Variants in ZFHX3 observed in about 807,000 individuals in gnomAD.
ZFHX3 encodes the protein zinc finger homeobox 3.
In ZFHX3, 42 loss-of-function variants were observed where a neutral mutation model predicts 279.1. The observed-to-expected ratio is 0.15, with a 90% CI of 0.12 to 0.19. ZFHX3 has a LOEUF of 0.19. Ranked by LOEUF, ZFHX3 falls within the 10% of genes least tolerant of loss-of-function variation. The pLI is 1.00. For missense variants in ZFHX3, 4,981 were observed against 4,754.0 expected (o/e 1.05, Z -1.40); for synonymous variants, 2,293 against 1,957.8 (o/e 1.17, Z -4.52).
At chr16:72,897,915 C>T (rs1333498951) in intron 3 of ZFHX3, among the ~76,000 whole-genome samples, 1 of 152,142 alleles carries the variant, frequency 6.6e-6, no homozygotes, top group Non-Finnish European at 1.5e-5. Flanking sequence ...AGTCCACAGC[C>T]GCCAAGCTAC....
At chr16:73,811,799 T>C (rs1017385332) in intron 1 of ZFHX3, among the ~76,000 whole-genome samples, 2 of 152,142 alleles carry the variant, frequency 1.3e-5, no homozygotes, top group Non-Finnish European at 2.9e-5. Flanking sequence ...CTTTGTTCTC[T>C]CTGTTGTGAT....
intron 2 of ZFHX3, among the ~76,000 whole-genome samples, chr16:72,952,553 C>A (rs1169161186): frequency 2.0e-5 from 3 of 152,170 alleles, no homozygotes; most frequent in African/African-American, 7.2e-5. Context: ...TGCACAGACG[C>A]CCAAATGTTT....
At chr16:73,262,663 A>G (rs2070997929) in intron 4 of ZFHX3, among the ~76,000 whole-genome samples, 1 of 152,218 alleles carries the variant, frequency 6.6e-6, no homozygotes, top group South Asian at 2.1e-4. Flanking sequence ...TAGATTGCAG[A>G]CAGGCACAAA....
rs73603585 is a variant in ZFHX3 at position 73,876,341 on chromosome 16, A to T, written c.-1608+15310T>A. Among the ~76,000 whole-genome samples the T allele has an allele frequency of 5.9e-3, 891 of 152,296 alleles. 14 individuals are homozygous for T. The highest frequency in any genetic ancestry group is 0.02 in the African/African-American group (848 of 41,558). The stretch of plus-strand genomic sequence containing the variant: ...CGTAAGTTTTACCACACCCATGTAC[A>T]CCTAGGCAGCTAAAGAGTATGTTAA... On this transcript the variant is annotated intron_variant, in intron 1 of 17. Coordinates refer to the ZFHX3 transcript ENST00000641206.
At chr16:72,893,418 G>C (rs1337990005) in intron 3 of ZFHX3, among the ~76,000 whole-genome samples, 1 of 152,178 alleles carries the variant, frequency 6.6e-6, no homozygotes, top group Non-Finnish European at 1.5e-5. Context: ...CCACAAGAGA[G>C]GAATAACATG....
rs77738327 is a variant in ZFHX3 at position 73,303,429 on chromosome 16, A to G, written c.-1194+14811T>C. 2.6e-3 allele frequency among the ~76,000 whole-genome samples: 395 copies of G among 152,300 alleles called. 2 individuals carry two copies. Among genetic ancestry groups the G allele is most frequent in the African/African-American group, 8.8e-3 (367 of 41,570 alleles). On this transcript the variant is annotated intron_variant, in intron 4 of 17. Coordinates refer to the ZFHX3 transcript ENST00000641206. ...AATTCTCATGCTCCTACTTCCTATG[A>G]TTCACATTCCGGAGGCTGATCTTAC...
intron 2 of ZFHX3, among the ~76,000 whole-genome samples, chr16:73,522,981 A>C (rs2019631284): frequency 6.6e-6 from 1 of 152,178 alleles, no homozygotes; most frequent in South Asian, 2.1e-4. Context: ...GCATGCAGGT[A>C]ACTGCGCCCA....
intron 3 of ZFHX3, among the ~76,000 whole-genome samples, chr16:72,914,998 A>G (rs115570968): frequency 0.022 from 3,296 of 152,284 alleles, 133 homozygotes; most frequent in African/African-American, 0.075. Flanking sequence ...CTAAAAGCAA[A>G]CAAACAAACA....
chr16:73,163,713 T>C (rs1333995902), intron 5 of ZFHX3, among the ~76,000 whole-genome samples: 1 of 152,104 alleles, frequency 6.6e-6, no homozygotes, highest in Non-Finnish European at 1.5e-5. Flanking sequence ...GGGGTAGCTT[T>C]TTAGAGGAAG....
intron 1 of ZFHX3, among the ~76,000 whole-genome samples, chr16:73,781,763 C>T (rs1039138009): frequency 2.0e-5 from 3 of 151,970 alleles, no homozygotes; most frequent in East Asian, 1.9e-4. Context: ...CCAAGGTGGG[C>T]GAATCACGAG....
chr16:72,880,447 C>T lies in ZFHX3; in HGVS notation c.3448+9284G>A, dbSNP rs74860250. Among the ~76,000 whole-genome samples the T allele has an allele frequency of 2.1e-3, 322 of 152,220 alleles. 2 individuals carry two copies. Among genetic ancestry groups the T allele is most frequent in the Middle Eastern group, 6.8e-3 (2 of 294 alleles). Reference sequence around the variant, plus strand: ...GGTATGTCCTAATCATACAGAGACACACCAGGGGGACTCACAGAGACCAGG... The same window carrying T: ...GGTATGTCCTAATCATACAGAGACATACCAGGGGGACTCACAGAGACCAGG... On this transcript the variant is annotated intron_variant, in intron 4 of 9. Transcript: ENST00000268489.
rs776445245 is a variant in ZFHX3 at position 72,794,179 on chromosome 16, A to G, written c.8503T>C (p.Cys2835Arg). ...FDQTKLDNDDCSSVNTAITDT... is the reference protein window; with the variant it reads ...FDQTKLDNDDRSSVNTAITDT... ...GTGATTGCTGTGTTGACAGAGGAAC[A>G]GTCATCGTTGTCCAGCTTAGTTTGG... is the stretch of plus-strand genomic sequence containing the variant. The change falls in exon 9 of 10, where the codon TGT (cysteine) becomes CGT (arginine). Residue 2835 changes from cysteine to arginine, a missense_variant. Around this residue, in one of 7 missense-constraint regions of ZFHX3, gnomAD observed 744 missense variants for 701.3 expected, o/e 1.06. Coordinates refer to ENST00000268489, the MANE Select transcript of ZFHX3 (RefSeq NM_006885.4). The surrounding 1 kb of genome is among the most constrained non-coding windows in gnomAD (Gnocchi z 4.2). 1 of 1,614,222 alleles carries G rather than the reference A, an allele frequency of 6.2e-7. No individual in the cohort carries two copies. Among genetic ancestry groups the G allele is most frequent in the South Asian group, 1.1e-5 (1 of 91,084 alleles).
chr16:73,130,910 G>C (rs866165832), intron 7 of ZFHX3: 2 of 1,275,368 alleles, frequency 1.6e-6, no homozygotes, highest in Non-Finnish European at 2.1e-6. Flanking sequence ...GCTGGGCCCA[G>C]ACAGTCTTAT....
At chr16:73,739,626 G>A (rs1314422664) in intron 1 of ZFHX3, among the ~76,000 whole-genome samples, 1 of 152,172 alleles carries the variant, frequency 6.6e-6, no homozygotes, top group Non-Finnish European at 1.5e-5. Context: ...ACTGTGATCA[G>A]TGGGGTGCAG....
chr16:73,639,546 C>T (rs1238291204), intron 2 of ZFHX3, among the ~76,000 whole-genome samples: 1 of 152,120 alleles, frequency 6.6e-6, no homozygotes, highest in Non-Finnish European at 1.5e-5. Flanking sequence ...TGCCACCTTA[C>T]TGAGTTGCAC....
intron 3 of ZFHX3, among the ~76,000 whole-genome samples, chr16:73,455,751 A>T (rs1336008258): frequency 6.6e-6 from 1 of 150,798 alleles, no homozygotes; most frequent in Non-Finnish European, 1.5e-5. Flanking sequence ...TTTTAACTTC[A>T]AAGCTTTGTT....
At chr16:72,940,489 T>A (rs1198462961) in intron 3 of ZFHX3, among the ~76,000 whole-genome samples, 1 of 152,070 alleles carries the variant, frequency 6.6e-6, no homozygotes, top group Non-Finnish European at 1.5e-5. Flanking sequence ...TGTCTCATTC[T>A]GAGGGGCAGC....
intron 5 of ZFHX3, among the ~76,000 whole-genome samples, chr16:73,169,925 T>G (rs1967481030): frequency 6.6e-6 from 1 of 152,212 alleles, no homozygotes; most frequent in Non-Finnish European, 1.5e-5. Context: ...TACTCTGTAC[T>G]CTTCCTTTGC....
At chr16:73,398,408 G>A (rs2017175232) in intron 3 of ZFHX3, among the ~76,000 whole-genome samples, 1 of 152,232 alleles carries the variant, frequency 6.6e-6, no homozygotes, top group Non-Finnish European at 1.5e-5. Flanking sequence ...AAGTGGGGAA[G>A]AGCCCGCACT....
Sources: allele counts gnomAD v4.1 joint callset (sites outside exome capture counted in the v4.1 genomes callset), GRCh38; gene constraint gnomAD v4.1.1; regional missense constraint gnomAD v4.1.1; non-coding constraint Gnocchi (gnomAD v3.1); transcripts MANE v1.5; gene names NCBI Gene and HGNC (gene_info 2026-07-23, HGNC 2026-07-21).